NCK2: variants seen among roughly 807,000 people sequenced by gnomAD.
The protein encoded by NCK2 is cytoplasmic protein NCK2.
In NCK2, 16 loss-of-function variants were observed where a neutral mutation model predicts 33.9. The observed-to-expected ratio is 0.47, with a 90% CI of 0.32 to 0.72. The LOEUF (loss-of-function observed/expected upper bound fraction) is 0.72, where lower values mean the gene tolerates loss of function less well. NCK2 is among the 30% of genes least tolerant of loss of function. The pLI is 0.03. For missense variants in NCK2, 418 were observed against 537.3 expected (o/e 0.78, Z 2.19); for synonymous variants, 273 against 239.9 (o/e 1.14, Z -1.27).
intron 1 of NCK2, among the ~76,000 whole-genome samples, chr2:105,769,315 A>G (rs1690050373): frequency 1.4e-5 from 1 of 69,424 alleles, no homozygotes; most frequent in African/African-American, 5.7e-5. Flanking sequence ...CGCCCTATTT[A>G]AAGCCCTCCT....
chr2:105,864,748 C>T (rs1677679982), intron 3 of NCK2, among the ~76,000 whole-genome samples: 1 of 151,868 alleles, frequency 6.6e-6, no homozygotes, highest in Admixed American at 6.6e-5. Context: ...CTGGCCTTCT[C>T]TTCTTTGTCC....
chr2:105,882,489 T>G (rs1678546815), intron 4 of NCK2, among the ~76,000 whole-genome samples: 1 of 152,198 alleles, frequency 6.6e-6, no homozygotes, highest in South Asian at 2.1e-4. Context: ...TTGCTTGCTT[T>G]CTCTTTGTAA....
intron 1 of NCK2, among the ~76,000 whole-genome samples, chr2:105,753,170 A>G (rs1689506486): frequency 6.6e-6 from 1 of 152,238 alleles, no homozygotes; most frequent in African/African-American, 2.4e-5. Context: ...AGAAACATTG[A>G]TGGAAAATCA....
intron 4 of NCK2, among the ~76,000 whole-genome samples, chr2:105,891,532 A>ATTTTTTTTTT (rs757598660): frequency 1.2e-5 from 1 of 81,350 alleles, no homozygotes; most frequent in Non-Finnish European, 2.2e-5. Context: ...TAAAAGACCA[A>ATTTTTTTTTT]TTTTTTTTTT....
chr2:105,868,863 A>G lies in NCK2; in HGVS notation c.227-12465A>G, dbSNP rs187816932. ...GAAGCAGTCGAGGCCCGGGGCAGCC[A>G]AGCGACTTGGCCAGGGCTATGAGTC... On this transcript the variant is annotated intron_variant, in intron 3 of 4. Transcript: ENST00000233154. Among the ~76,000 whole-genome samples the G allele has an allele frequency of 4.2e-3, 647 of 152,340 alleles. 2 individuals carry two copies. The highest frequency in any genetic ancestry group is 0.014 in the African/African-American group (588 of 41,584).
intron 2 of NCK2, chr2:105,854,777 T>G: frequency 3.1e-6 from 1 of 317,864 alleles, no homozygotes; most frequent in Non-Finnish European, 6.0e-6. Context: ...TATTTAGAAT[T>G]TTTTTCAAGT....
At chr2:105,793,487 G>A (rs909653767) in intron 1 of NCK2, among the ~76,000 whole-genome samples, 1 of 152,202 alleles carries the variant, frequency 6.6e-6, no homozygotes, top group Admixed American at 6.5e-5. Context: ...GTAGAGTTAA[G>A]GCAGGGTAGA....
intron 1 of NCK2, among the ~76,000 whole-genome samples, chr2:105,809,556 C>G (rs1318040615): frequency 6.6e-6 from 1 of 152,176 alleles, no homozygotes; most frequent in Non-Finnish European, 1.5e-5. Context: ...GTCCCTGATT[C>G]ATTTTAACCA....
chr2:105,850,650 C>T (rs557189189), intron 2 of NCK2, among the ~76,000 whole-genome samples: 2 of 152,166 alleles, frequency 1.3e-5, no homozygotes, highest in African/African-American at 4.8e-5. Context: ...CCTTGAACTG[C>T]TAAGCTAGAG....
chr2:105,790,319 G>A (rs1446685841), intron 1 of NCK2, among the ~76,000 whole-genome samples: 1 of 152,212 alleles, frequency 6.6e-6, no homozygotes, highest in Non-Finnish European at 1.5e-5. Flanking sequence ...AGCAGATCTT[G>A]CCCTGCTGAC....
chr2:105,872,498 T>C (rs1019230854), intron 3 of NCK2, among the ~76,000 whole-genome samples: 2 of 152,206 alleles, frequency 1.3e-5, no homozygotes, highest in African/African-American at 4.8e-5. Flanking sequence ...CTCCTCTTTA[T>C]TGCGATTGTC....
chr2:105,878,333 G>A (rs1215851181), intron 3 of NCK2, among the ~76,000 whole-genome samples: 1 of 152,246 alleles, frequency 6.6e-6, no homozygotes, highest in Admixed American at 6.5e-5. Flanking sequence ...ATGGGACTGT[G>A]TTTGGAGACA....
chr2:105,811,489 C>T (rs991865080), intron 1 of NCK2, among the ~76,000 whole-genome samples: 1 of 152,196 alleles, frequency 6.6e-6, no homozygotes, highest in East Asian at 1.9e-4. Flanking sequence ...GTGTGGCAGA[C>T]GTACCTGAAT....
intron 3 of NCK2, among the ~76,000 whole-genome samples, chr2:105,861,215 G>A (rs986598056): frequency 6.6e-6 from 1 of 152,100 alleles, no homozygotes. Flanking sequence ...GATTTTAAGT[G>A]GACTAACAAA....
chr2:105,848,700 C>A (rs1676942206), intron 2 of NCK2: 1 of 152,170 alleles, frequency 6.6e-6, no homozygotes, highest in African/African-American at 2.4e-5. Flanking sequence ...CTTCCTCTAC[C>A]CCTCCCCAGT....
chr2:105,892,871 C>A, intron 4 of NCK2, 111 bp from the exon 5 acceptor site: 1 of 822,558 alleles, frequency 1.2e-6, no homozygotes. Context: ...AGCAGAGACC[C>A]AGTGTTTGAG....
At chr2:105,819,975 G>A (rs1194237915) in intron 2 of NCK2, among the ~76,000 whole-genome samples, 1 of 152,162 alleles carries the variant, frequency 6.6e-6, no homozygotes, top group African/African-American at 2.4e-5. Flanking sequence ...CTTTCAGGAT[G>A]GGACCCTGAC....
chr2:105,890,400 T>G (rs1430624928), intron 4 of NCK2, among the ~76,000 whole-genome samples: 1 of 152,240 alleles, frequency 6.6e-6, no homozygotes, highest in Non-Finnish European at 1.5e-5. Flanking sequence ...CCACATTATC[T>G]CTAAATTGAG....
At chr2:105,778,073 A>G (rs1443716865) in intron 1 of NCK2, among the ~76,000 whole-genome samples, 1 of 152,198 alleles carries the variant, frequency 6.6e-6, no homozygotes, top group Non-Finnish European at 1.5e-5. Flanking sequence ...AAGTGGCAGT[A>G]AAAGAAACCC....
Sources: gnomAD v4.1 joint callset for allele counts (sites outside exome capture counted in the v4.1 genomes callset) on GRCh38, gnomAD v4.1.1 for gene constraint, MANE v1.5 for transcripts, NCBI Gene and HGNC (gene_info 2026-07-23, HGNC 2026-07-21) for gene names.